TRAM2: variants seen among roughly 807,000 people sequenced by gnomAD.
TRAM2 encodes translocation associated membrane protein 2, also known as translocating chain-associated membrane protein 2.
TRAM2 carries 12 observed loss-of-function variants against 51.0 expected under a neutral mutation model. The observed-to-expected ratio is 0.24, with a 90% CI of 0.15 to 0.38. The LOEUF (loss-of-function observed/expected upper bound fraction) is 0.38. TRAM2 is among the 10% of genes least tolerant of loss of function. The pLI, the probability that TRAM2 is intolerant of heterozygous loss-of-function variation, is 1.00. For synonymous variants in TRAM2, 175 were observed against 179.4 expected (o/e 0.98, Z 0.20); for missense variants, 361 against 462.0 (o/e 0.78, Z 2.00).
chr6:52,520,658 G>C (rs544971512), intron 2 of TRAM2, among the ~76,000 whole-genome samples: 142 of 152,278 alleles, frequency 9.3e-4, no homozygotes, highest in South Asian at 6.4e-3. Flanking sequence ...AATGAGGAAA[G>C]AGTTCACAGA....
intron 1 of TRAM2, among the ~76,000 whole-genome samples, chr6:52,557,300 G>A (rs1767428245): frequency 6.6e-6 from 1 of 152,164 alleles, no homozygotes; most frequent in Non-Finnish European, 1.5e-5. Context: ...CTTAATGACA[G>A]AGACAATACT....
At chr6:52,504,033 G>A (rs563041692) in intron 10 of TRAM2, among the ~76,000 whole-genome samples, 1 of 152,328 alleles carries the variant, frequency 6.6e-6, no homozygotes, top group East Asian at 1.9e-4. Context: ...GAACGTGCAG[G>A]GCTGGCAGGG....
chr6:52,504,551 T>C, intron 10 of TRAM2, 40 bp downstream of exon 10: 2 of 1,611,924 alleles, frequency 1.2e-6, no homozygotes, highest in African/African-American at 1.3e-5. Context: ...CCAGACAGAC[T>C]TCCCTGGCTC....
rs545415247 is a variant in TRAM2 at position 52,541,098 on chromosome 6, A to T, written c.121-5252T>A. Reference sequence around the variant, plus strand: ...GCTCTTGGCTGCAACTAGACCAAGGATGCTGGTGAAATAGCTGCTTCCAGC... The same window carrying T: ...GCTCTTGGCTGCAACTAGACCAAGGTTGCTGGTGAAATAGCTGCTTCCAGC... On this transcript the variant is annotated intron_variant, in intron 1 of 10. Coordinates refer to ENST00000182527, the MANE Select transcript of TRAM2 (RefSeq NM_012288.4). 2.8e-4 allele frequency among the ~76,000 whole-genome samples: 43 copies of T among 152,348 alleles called. No homozygotes were observed. In the South Asian group the frequency reaches 8.3e-3, roughly 29 times the overall value.
intron 1 of TRAM2, among the ~76,000 whole-genome samples, chr6:52,574,244 C>CTT (rs370005233): frequency 6.6e-6 from 1 of 152,164 alleles, no homozygotes; most frequent in South Asian, 2.1e-4. Context: ...AGGCTTTACT[C>CTT]TGAGTGTGAA....
intron 2 of TRAM2, among the ~76,000 whole-genome samples, chr6:52,521,650 T>C (rs1458527740): frequency 1.3e-5 from 2 of 151,546 alleles, no homozygotes; most frequent in African/African-American, 4.9e-5. Flanking sequence ...TGAGCCGAGA[T>C]TGCGCCACTG....
chr6:52,541,996 C>CG (rs901588168), intron 1 of TRAM2, among the ~76,000 whole-genome samples: 1 of 152,034 alleles, frequency 6.6e-6, no homozygotes, highest in Admixed American at 6.5e-5. Context: ...ATATGTCCCA[C>CG]GACTGACAGT....
intron 4 of TRAM2, among the ~76,000 whole-genome samples, chr6:52,514,977 A>C (rs944744171): frequency 1.3e-5 from 2 of 152,220 alleles, no homozygotes; most frequent in African/African-American, 4.8e-5. Context: ...TCTGCTTAGG[A>C]AAGCTGCTCT....
intron 1 of TRAM2, among the ~76,000 whole-genome samples, chr6:52,556,927 C>A (rs1218955595): frequency 9.2e-4 from 113 of 122,870 alleles, no homozygotes; most frequent in African/African-American, 1.3e-3. Context: ...GACTCCATCT[C>A]AAAAAAAAAA....
Position 52,506,244 on chromosome 6 carries a change from T to C in TRAM2, c.627-108A>G, listed in dbSNP as rs1244055070. On this transcript the variant is annotated intron_variant, in intron 7 of 10. Transcript: ENST00000182527. ...CCCTGTGCCTGGCTGGGCTCTGCTT[T>C]CCACTCCCACTTTCCCTGGCTGGCT... 6.3e-6 allele frequency: 6 copies of C among 955,140 alleles called. No individual in the cohort carries two copies. In the Admixed American group the frequency reaches 9.6e-5, roughly 15 times the overall value. 59.2% of individuals were successfully genotyped at this position (955,140 alleles called of 1,614,324 possible). A position where few individuals can be genotyped will look rare whatever the true frequency, so the allele number is the denominator to read the frequency against.
At chr6:52,557,317 A>G (rs1767428498) in intron 1 of TRAM2, among the ~76,000 whole-genome samples, 1 of 152,202 alleles carries the variant, frequency 6.6e-6, no homozygotes. Context: ...TACTCATGGA[A>G]TTAATTAATT....
chr6:52,564,320 C>A (rs1189681465), intron 1 of TRAM2, among the ~76,000 whole-genome samples: 1 of 152,144 alleles, frequency 6.6e-6, no homozygotes, highest in Non-Finnish European at 1.5e-5. Context: ...CTCCCTATTA[C>A]CTAAGCTGAG....
At chr6:52,503,799 T>C (rs537351738) in intron 10 of TRAM2, among the ~76,000 whole-genome samples, 1 of 152,162 alleles carries the variant, frequency 6.6e-6, no homozygotes, top group East Asian at 1.9e-4. Flanking sequence ...AATTGTGCTC[T>C]ATTGTTCAAA....
At chr6:52,518,547 T>C (rs935465315) in intron 2 of TRAM2, among the ~76,000 whole-genome samples, 2 of 152,128 alleles carry the variant, frequency 1.3e-5, no homozygotes, top group Admixed American at 1.3e-4. Flanking sequence ...GTTCCTGTGA[T>C]CCAGGTAAGA....
chr6:52,518,936 C>T (rs1766609548), intron 2 of TRAM2, among the ~76,000 whole-genome samples: 1 of 152,178 alleles, frequency 6.6e-6, no homozygotes, highest in Non-Finnish European at 1.5e-5. Context: ...TGAAACAGTA[C>T]CTGACAAGAC....
At chr6:52,521,160 T>C (rs1766665539) in intron 2 of TRAM2, among the ~76,000 whole-genome samples, 1 of 151,962 alleles carries the variant, frequency 6.6e-6, no homozygotes, top group South Asian at 2.1e-4. Context: ...TCCACCTGCC[T>C]TGGCTTCCCA....
chr6:52,557,927 G>A (rs1767437354), intron 1 of TRAM2, among the ~76,000 whole-genome samples: 1 of 152,106 alleles, frequency 6.6e-6, no homozygotes, highest in African/African-American at 2.4e-5. Flanking sequence ...AAGGCACTTA[G>A]GAGTAATCAC....
At chr6:52,517,707 A>G (rs1581873254) in intron 2 of TRAM2, among the ~76,000 whole-genome samples, 1 of 152,318 alleles carries the variant, frequency 6.6e-6, no homozygotes, top group East Asian at 1.9e-4. Context: ...GCTGCTCTCC[A>G]GCTGTGCTGC....
intron 2 of TRAM2, 52 bp downstream of exon 2, chr6:52,535,731 G>T: frequency 2.0e-6 from 3 of 1,512,678 alleles, no homozygotes; most frequent in Non-Finnish European, 2.7e-6. Context: ...AAGCTTTCCA[G>T]GTCCTTCAGG....
Sources: gnomAD v4.1 joint callset for allele counts (sites outside exome capture counted in the v4.1 genomes callset) on GRCh38, gnomAD v4.1.1 for gene constraint, MANE v1.5 for transcripts, NCBI Gene and HGNC (gene_info 2026-07-23, HGNC 2026-07-21) for gene names.